Variants in SLIT3 observed in about 807,000 individuals in gnomAD.
SLIT3 encodes the protein slit homolog 3 protein.
Under a neutral mutation model 184.0 loss-of-function variants are expected in SLIT3, and 68 were observed. That is an observed-to-expected ratio of 0.37 (90% CI 0.30 to 0.45). SLIT3 has a LOEUF of 0.45. SLIT3 is among the 20% of genes least tolerant of loss of function. The pLI is 1.00. For missense variants in SLIT3, 1,707 were observed against 2,026.0 expected, an observed-to-expected ratio of 0.84 and a Z score of 3.02; for synonymous variants, 831 against 828.6, an observed-to-expected ratio of 1.00 and a Z score of -0.05.
intron 4 of SLIT3, among the ~76,000 whole-genome samples, chr5:168,925,256 G>A (rs1445691515): frequency 6.6e-6 from 1 of 152,192 alleles, no homozygotes; most frequent in Non-Finnish European, 1.5e-5. Flanking sequence ...GCACCTCTGG[G>A]AGTAACTTGC....
intron 4 of SLIT3, among the ~76,000 whole-genome samples, chr5:169,008,417 G>C (rs996561846): frequency 1.3e-5 from 2 of 152,212 alleles, no homozygotes; most frequent in Non-Finnish European, 2.9e-5. Context: ...AAGCACAGGG[G>C]TTTGGAGAAG....
chr5:168,842,844 C>T (rs1338401441), intron 6 of SLIT3, among the ~76,000 whole-genome samples: 1 of 152,164 alleles, frequency 6.6e-6, no homozygotes, highest in East Asian at 1.9e-4. Context: ...GGTCTCTTCC[C>T]AAGGAATTTT....
intron 4 of SLIT3, among the ~76,000 whole-genome samples, chr5:168,967,437 C>CCTTTTTTTTTTTTTTTTTTTTTTTTT (rs1763237303): frequency 6.1e-5 from 2 of 32,732 alleles, no homozygotes; most frequent in African/African-American, 2.1e-4. Context: ...CATCTCAAAT[C>CCTTTTTTTTTTTTTTTTTTTTTTTTT]TTTTTTTTTT....
At chr5:168,674,331 C>T (rs565365331) in intron 32 of SLIT3, among the ~76,000 whole-genome samples, 1 of 152,230 alleles carries the variant, frequency 6.6e-6, no homozygotes, top group South Asian at 2.1e-4. Context: ...ATCTGAAAAG[C>T]TCCAAAAGCC....
chr5:168,957,179 A>C (rs1762853963), intron 4 of SLIT3, among the ~76,000 whole-genome samples: 1 of 149,782 alleles, frequency 6.7e-6, no homozygotes, highest in African/African-American at 2.5e-5. Context: ...CAGTGACCTG[A>C]GATGGTGCCA....
intron 4 of SLIT3, among the ~76,000 whole-genome samples, chr5:169,129,509 G>A (rs998352710): frequency 3.3e-5 from 5 of 152,154 alleles, no homozygotes; most frequent in South Asian, 2.1e-4. Context: ...ACGAGATTGC[G>A]CCATTGCACT....
chr5:168,977,154 C>CT (rs1754791705), intron 4 of SLIT3, among the ~76,000 whole-genome samples: 2 of 152,132 alleles, frequency 1.3e-5, no homozygotes, highest in African/African-American at 4.8e-5. Flanking sequence ...AGTTTAACTT[C>CT]TGGGAGTCAA....
At chr5:169,037,394 T>C (rs377274032) in intron 4 of SLIT3, among the ~76,000 whole-genome samples, 1 of 152,284 alleles carries the variant, frequency 6.6e-6, no homozygotes. Flanking sequence ...GGCTCTGTTT[T>C]TAAAGGGAGA....
At chr5:168,920,570 T>C (rs1447185031) in intron 4 of SLIT3, among the ~76,000 whole-genome samples, 2 of 152,116 alleles carry the variant, frequency 1.3e-5, no homozygotes, top group Admixed American at 1.3e-4. Context: ...CCGACTTCCT[T>C]ATTCAGTTTT....
intron 4 of SLIT3, among the ~76,000 whole-genome samples, chr5:169,070,300 T>G (rs1476637967): frequency 6.6e-6 from 1 of 152,130 alleles, no homozygotes; most frequent in Middle Eastern, 3.2e-3. Flanking sequence ...TGGGTGGAGA[T>G]TTCCTCTGGA....
At chr5:168,817,168 G>T in intron 8 of SLIT3, 132 bp downstream of exon 8, 1 of 753,204 alleles carries the variant, frequency 1.3e-6, no homozygotes, top group Non-Finnish European at 2.2e-6. Flanking sequence ...TGAGTACTGA[G>T]GACGACCTAT....
In SLIT3 at chr5:168,900,441, C is replaced by T. The variant is rs144954428; in HGVS notation, c.414-17105G>A. Among the ~76,000 whole-genome samples, 29 of 152,248 alleles carry T rather than the reference C, an allele frequency of 1.9e-4. No homozygotes were observed. In the East Asian group the frequency reaches 3.1e-3, roughly 16 times the overall value. On this transcript the variant is annotated intron_variant, in intron 4 of 35. Transcript: ENST00000519560. ...ACCAGTCAGGGCAACGTGGTGAAAA[C>T]TCATCTCTACAAAAAATACAAAACT...
chr5:169,122,713 C>G (rs888416092), intron 4 of SLIT3, among the ~76,000 whole-genome samples: 1 of 152,190 alleles, frequency 6.6e-6, no homozygotes, highest in African/African-American at 2.4e-5. Flanking sequence ...TCCCTGCATT[C>G]TATTGGCACC....
intron 4 of SLIT3, among the ~76,000 whole-genome samples, chr5:169,082,159 G>A (rs1385132569): frequency 6.6e-6 from 1 of 152,176 alleles, no homozygotes; most frequent in African/African-American, 2.4e-5. Flanking sequence ...CCGTAGACAT[G>A]CCAGCAATAC....
chr5:169,046,503 C>T (rs1757626781), intron 4 of SLIT3, among the ~76,000 whole-genome samples: 1 of 152,202 alleles, frequency 6.6e-6, no homozygotes, highest in Non-Finnish European at 1.5e-5. Flanking sequence ...TAAAATGTCT[C>T]CGGATCCATA....
intron 4 of SLIT3, among the ~76,000 whole-genome samples, chr5:169,001,980 A>C (rs1316053348): frequency 6.6e-6 from 1 of 151,930 alleles, no homozygotes; most frequent in Non-Finnish European, 1.5e-5. Context: ...GGGGACTCAA[A>C]AGAGGAATAG....
chr5:168,999,833 C>A (rs1362107017), intron 4 of SLIT3, among the ~76,000 whole-genome samples: 3 of 152,166 alleles, frequency 2.0e-5, no homozygotes, highest in Non-Finnish European at 4.4e-5. Context: ...CACCTGGGAG[C>A]TTTTGCACGG....
At chr5:168,911,248 C>T (rs1211547818) in intron 4 of SLIT3, among the ~76,000 whole-genome samples, 2 of 152,090 alleles carry the variant, frequency 1.3e-5, no homozygotes, top group East Asian at 1.9e-4. Context: ...GTTAAACTCC[C>T]GTGCACACAT....
intron 23 of SLIT3, among the ~76,000 whole-genome samples, chr5:168,721,627 C>T (rs778206638): frequency 1.3e-5 from 2 of 152,226 alleles, no homozygotes; most frequent in East Asian, 1.9e-4. Flanking sequence ...GGCCCTGGTA[C>T]GGCCAGGTCT....
Sources: gnomAD v4.1 joint callset for allele counts (sites outside exome capture counted in the v4.1 genomes callset) on GRCh38, gnomAD v4.1.1 for gene constraint, MANE v1.5 for transcripts, NCBI Gene and HGNC (gene_info 2026-07-23, HGNC 2026-07-21) for gene names.